SLC12A3: variants seen among roughly 807,000 people sequenced by gnomAD.
SLC12A3 encodes the protein solute carrier family 12 member 3, also known as Na-Cl cotransporter.
A neutral mutation model predicts 121.0 loss-of-function variants in SLC12A3; 104 were observed. The observed-to-expected ratio is 0.86, with a 90% CI of 0.73 to 1.01. SLC12A3 has a LOEUF of 1.01. SLC12A3 is among the 50% of genes least tolerant of loss of function. The pLI is 0.00. For missense variants in SLC12A3, 1,328 were observed against 1,356.3 expected (o/e 0.98, Z 0.33); for synonymous variants, 536 against 533.4 (o/e 1.00, Z -0.07).
intron 12 of SLC12A3, among the ~76,000 whole-genome samples, chr16:56,881,442 T>TC (rs1555500448): frequency 6.9e-6 from 1 of 144,934 alleles, no homozygotes; most frequent in African/African-American, 2.5e-5. Context: ...TGTCCTTTCA[T>TC]CTGGGGGGGG....
At chr16:56,901,139 A>G (rs2055532141) in intron 23 of SLC12A3, among the ~76,000 whole-genome samples, 1 of 151,544 alleles carries the variant, frequency 6.6e-6, no homozygotes, top group African/African-American at 2.4e-5. Context: ...CACCCCTTCC[A>G]CTGGTTTCCT....
chr16:56,913,545 G>A lies in SLC12A3; in HGVS notation c.*140G>A, dbSNP rs146093386. ...ATCTGATGATCTCACCGAAAAAGAT[G>A]GTAGATTTCCAAATCTGGCTGGACT... On this transcript the variant is annotated 3_prime_UTR_variant, in exon 26 of 26. Transcript: ENST00000563236. 4.2e-5 allele frequency: 38 copies of A among 906,196 alleles called. No individual in the cohort carries two copies. Among genetic ancestry groups the A allele is most frequent in the Non-Finnish European group, 6.6e-5 (36 of 546,416 alleles). The allele number at this position is 906,196 out of a possible 1,614,324, so 56.1% of individuals were successfully genotyped here.
At position 56,913,347 on chromosome 16, in the gene SLC12A3, C is replaced by A; in HGVS notation, c.3008C>A (p.Pro1003His). The part of the protein sequence containing the change: ...WLETLSQDLR[P>H]PVILIRGNQE... ...GAGACCCTGTCCCAGGACCTCAGAC[C>A]TCCAGTCATCCTGATCCGAGGAAAC... Residue 1003 changes from proline (P) to histidine (H), a missense_variant, in exon 26 of 26, where the codon CCT becomes CAT. By Grantham distance (77) the Pro-to-His change is moderately conservative. Coordinates refer to ENST00000563236, the MANE Select transcript of SLC12A3 (RefSeq NM_001126108.2). 6.2e-7 allele frequency: 1 copy of A among 1,614,214 alleles called. No homozygotes were observed. Among genetic ancestry groups the A allele is most frequent in the Non-Finnish European group, 8.5e-7 (1 of 1,180,034 alleles).
intron 2 of SLC12A3, 22 bp downstream of exon 2, chr16:56,867,238 C>T (rs374239609): frequency 2.1e-4 from 339 of 1,592,020 alleles, no homozygotes; most frequent in Non-Finnish European, 2.7e-4. Context: ...GTGGGTGGTG[C>T]GTGATGTCCA....
At chr16:56,909,927 T>A (rs1301169668) in intron 25 of SLC12A3, among the ~76,000 whole-genome samples, 9 of 152,228 alleles carry the variant, frequency 5.9e-5, no homozygotes, top group South Asian at 2.1e-4. Flanking sequence ...CACTAATCAG[T>A]GGGTTATCAA....
At chr16:56,872,594 G>A (rs2055112516) in intron 7 of SLC12A3, 62 bp from the exon 8 acceptor site, 1 of 1,613,014 alleles carries the variant, frequency 6.2e-7, no homozygotes, top group Middle Eastern at 1.7e-4. Flanking sequence ...TGCCCAGTGG[G>A]TCCCAGCAAG....
Position 56,873,708 on chromosome 16 carries a change from A to ATT in SLC12A3, c.1095+934_1095+935dup, listed in dbSNP as rs398038206. Reference sequence around the variant, plus strand: ...TAGCCTCTTTTATTTATTTTATTTTATTTTTTTTTTTTTGAGATGAAGTCT... The same window carrying ATT: ...TAGCCTCTTTTATTTATTTTATTTTATTTTTTTTTTTTTTTGAGATGAAGTCT... On this transcript the variant is annotated intron_variant, in intron 8 of 25. Coordinates refer to ENST00000563236, the MANE Select transcript of SLC12A3 (RefSeq NM_001126108.2). Among the ~76,000 whole-genome samples the ATT allele has an allele frequency of 1.1e-3, 134 of 125,440 alleles. 2 individuals carry two copies. Among genetic ancestry groups the ATT allele is most frequent in the Admixed American group, 9.7e-4 (12 of 12,340 alleles). 82.3% of individuals were successfully genotyped at this position (125,440 alleles called of 152,430 possible).
chr16:56,901,429 T>A (rs2055537714), intron 23 of SLC12A3, among the ~76,000 whole-genome samples: 1 of 148,488 alleles, frequency 6.7e-6, no homozygotes, highest in Non-Finnish European at 1.5e-5. Flanking sequence ...AACTTCCACA[T>A]CCCAGGTTCA....
At chr16:56,872,603 AGGG>A in intron 7 of SLC12A3, 50 bp from the exon 8 acceptor site, 1 of 1,613,822 alleles carries the variant, frequency 6.2e-7, no homozygotes, top group Non-Finnish European at 8.5e-7. Context: ...GGTCCCAGCA[AGGG>A]GGGTCAAGCC....
At chr16:56,908,661 G>A (rs565619570) in intron 25 of SLC12A3, among the ~76,000 whole-genome samples, 1 of 152,186 alleles carries the variant, frequency 6.6e-6, no homozygotes, top group Non-Finnish European at 1.5e-5. Flanking sequence ...CCAGAACAAT[G>A]CTTCCTGGGG....
At chr16:56,881,868 G>A (rs2055244383) in intron 12 of SLC12A3, among the ~76,000 whole-genome samples, 1 of 151,988 alleles carries the variant, frequency 6.6e-6, no homozygotes, top group African/African-American at 2.4e-5. Context: ...GGCCAACATG[G>A]TGAAACCCTG....
Position 56,913,332 on chromosome 16 carries a change from C to T in SLC12A3, c.2993C>T (p.Ser998Phe), listed in dbSNP as rs1193498896. 1.9e-6 allele frequency: 3 copies of T among 1,613,984 alleles called. No individual in the cohort carries two copies. The African/African-American group carries it at 4.0e-5, about 22-fold the overall frequency. ...TACATGGCCTGGCTGGAGACCCTGTCCCAGGACCTCAGACCTCCAGTCATC... is the reference window on the plus strand; with the variant it reads ...TACATGGCCTGGCTGGAGACCCTGTTCCAGGACCTCAGACCTCCAGTCATC... ...SLYMAWLETL[S>F]QDLRPPVILI... The change falls in exon 26 of 26, where the codon TCC (serine) becomes TTC (phenylalanine). Residue 998 changes from serine (S) to phenylalanine (F), a missense_variant. Transcript: ENST00000563236.
chr16:56,870,188 G>A lies in SLC12A3; in HGVS notation c.694G>A (p.Ala232Thr), dbSNP rs201318038. Residue 232 changes from alanine to threonine, a missense_variant, in exon 5 of 26, where the codon GCC becomes ACC. Transcript: ENST00000563236. ...CGCTTTCGCCAATGCCGTGGGTGTG[G>A]CCATGCACACGGTGGGCTTTGCAGA... ...IFAFANAVGV[A>T]MHTVGFAETV... The A allele has an allele frequency of 1.6e-4, 260 of 1,613,864 alleles. 1 individual carries two copies. In the Middle Eastern group the frequency reaches 1.6e-3, roughly 10 times the overall value.
rs372909387 is a variant in SLC12A3 at position 56,909,159 on chromosome 16, C to G, written c.2925-4105C>G. ...GGGCATTTATTTGTCATTAAAATGACTCATTAAAATGAGTCTCAGCTGGGC... is the reference window on the plus strand; with the variant it reads ...GGGCATTTATTTGTCATTAAAATGAGTCATTAAAATGAGTCTCAGCTGGGC... On this transcript the variant is annotated intron_variant, in intron 25 of 25. Coordinates refer to ENST00000563236, the MANE Select transcript of SLC12A3 (RefSeq NM_001126108.2). 2.0e-5 allele frequency among the ~76,000 whole-genome samples: 3 copies of G among 152,036 alleles called. No homozygotes were observed. The East Asian group carries it at 5.8e-4, about 29-fold the overall frequency.
chr16:56,885,512 C>A, intron 15 of SLC12A3, 148 bp downstream of exon 15: 1 of 688,588 alleles, frequency 1.5e-6, no homozygotes, highest in Non-Finnish European at 2.6e-6. Context: ...CATGGAGGAG[C>A]CACCCAGCCA....
intron 6 of SLC12A3, among the ~76,000 whole-genome samples, chr16:56,871,665 C>T (rs1263333767): frequency 1.3e-5 from 2 of 152,216 alleles, no homozygotes; most frequent in African/African-American, 4.8e-5. Flanking sequence ...CTTCCCAGGT[C>T]ATCCTGCTAA....
rs1027072766 is a variant in SLC12A3, at chr16:56,908,639, A to G, written c.2924+4177A>G. On this transcript the variant is annotated intron_variant, in intron 25 of 25. Coordinates refer to ENST00000563236, the MANE Select transcript of SLC12A3 (RefSeq NM_001126108.2). ...GACTGTGCTGGTTGCACACCCAGGA[A>G]GCTGGCTCTGCCCAGAACAATGCTT... Among the ~76,000 whole-genome samples the G allele has an allele frequency of 5.9e-5, 9 of 152,336 alleles. 1 individual carries two copies. The highest frequency in any genetic ancestry group is 1.3e-4 in the Admixed American group (2 of 15,302).
At chr16:56,870,358 C>T (rs1165211733) in intron 5 of SLC12A3, 123 bp downstream of exon 5, 6 of 1,079,758 alleles carry the variant, frequency 5.6e-6, no homozygotes, top group Non-Finnish European at 8.0e-6. Flanking sequence ...GAACCACAGC[C>T]TGATCACTGT....
rs757490496 is a variant in SLC12A3 at position 56,865,419 on chromosome 16, G to A, written c.184G>A (p.Asp62Asn). ...GCGCACCTTTGGCTACAACACGATC[G>A]ATGTGGTGCCCACATATGAGCACTA... is the stretch of plus-strand genomic sequence containing the variant. Reference protein sequence around the residue: ...CMRTFGYNTIDVVPTYEHYAN... With the variant: ...CMRTFGYNTINVVPTYEHYAN... Residue 62 changes from aspartate (D) to asparagine (N), a missense_variant, in exon 1 of 26, where the codon GAT (aspartate) becomes AAT (asparagine). Physicochemically the swap from Asp to Asn is conservative, Grantham distance 23 (BLOSUM62 1). Coordinates refer to ENST00000563236, the MANE Select transcript of SLC12A3 (RefSeq NM_001126108.2). The A allele has an allele frequency of 5.6e-6, 9 of 1,614,076 alleles. No homozygotes were observed. Among genetic ancestry groups the A allele is most frequent in the South Asian group, 1.1e-5 (1 of 91,088 alleles).
Sources: gnomAD v4.1 joint callset for allele counts (sites outside exome capture counted in the v4.1 genomes callset) on GRCh38, gnomAD v4.1.1 for gene constraint, MANE v1.5 for transcripts, NCBI Gene and HGNC (gene_info 2026-07-23, HGNC 2026-07-21) for gene names.